C6: variants seen among roughly 807,000 people sequenced by gnomAD.
C6 encodes complement component C6.
C6 carries 101 observed loss-of-function variants against 112.9 expected under a neutral mutation model. The ratio of observed to expected loss-of-function variants is 0.89; its 90% CI spans 0.76 to 1.06. The LOEUF (loss-of-function observed/expected upper bound fraction) is 1.06. C6 is among the 50% of genes least tolerant of loss of function. The pLI is 0.00. For missense variants in C6, 1,202 were observed against 1,104.6 expected, an observed-to-expected ratio of 1.09 and a Z score of -1.25; for synonymous variants, 431 against 384.1, an observed-to-expected ratio of 1.12 and a Z score of -1.43.
intron 4 of C6, among the ~76,000 whole-genome samples, chr5:41,196,205 C>T (rs879749746): frequency 4.0e-5 from 6 of 151,280 alleles, no homozygotes; most frequent in East Asian, 3.9e-4. Flanking sequence ...TACAGTGAGC[C>T]GCTATAGAGA....
At chr5:41,177,323 C>A (rs182121994) in intron 7 of C6, among the ~76,000 whole-genome samples, 23 of 152,284 alleles carry the variant, frequency 1.5e-4, no homozygotes, top group African/African-American at 5.3e-4. Flanking sequence ...CTCTCCTCCA[C>A]CCATATGCAG....
chr5:41,152,645 T>C (rs1168558513), intron 15 of C6: 1 of 152,128 alleles, frequency 6.6e-6, no homozygotes, highest in Non-Finnish European at 1.5e-5. Context: ...TACCACCATT[T>C]TATCTGGTGA....
At chr5:41,242,338 A>G (rs1012455031) in intron 1 of C6, among the ~76,000 whole-genome samples, 7 of 152,076 alleles carry the variant, frequency 4.6e-5, no homozygotes, top group Non-Finnish European at 1.0e-4. Flanking sequence ...TACTCACTCC[A>G]TCCTGCTGTC....
At chr5:41,241,953 T>TA (rs947904016) in intron 1 of C6, among the ~76,000 whole-genome samples, 17 of 151,858 alleles carry the variant, frequency 1.1e-4, no homozygotes, top group Non-Finnish European at 1.8e-4. Flanking sequence ...GAAGGTAAAA[T>TA]AAAAAAACCT....
In C6 at chr5:41,176,506, A is replaced by T. The variant is rs1342696300; in HGVS notation, c.1137T>A (p.Tyr379Ter). The T allele has an allele frequency of 6.2e-7, 1 of 1,613,276 alleles. No individual in the cohort carries two copies. Among genetic ancestry groups the T allele is most frequent in the Admixed American group, 1.7e-5 (1 of 59,990 alleles). Residue 379 changes from tyrosine to a stop codon, truncating the protein, a stop_gained, in exon 8 of 18, where the codon TAT (tyrosine) becomes TAA (stop). Coordinates refer to ENST00000337836, the MANE Select transcript of C6 (RefSeq NM_000065.5). LOFTEE classifies it high-confidence loss of function. ...GSLGGVYDLL[Y>*]QFSSEELKNS... ...TCTTTAGTTCCTCACTGCTAAACTG[A>T]TAGAGAAGGTCATACACGCCTCCCA...
intron 1 of C6, among the ~76,000 whole-genome samples, chr5:41,227,195 C>T (rs1327903804): frequency 6.6e-6 from 1 of 152,048 alleles, no homozygotes; most frequent in Non-Finnish European, 1.5e-5. Flanking sequence ...ATTTGTATTT[C>T]CCTAATGATT....
intron 13 of C6, among the ~76,000 whole-genome samples, chr5:41,155,397 T>G (rs1016395506): frequency 6.6e-6 from 1 of 152,066 alleles, no homozygotes; most frequent in Non-Finnish European, 1.5e-5. Context: ...ACTTGAAAAC[T>G]TGCTCCCCTG....
At chr5:41,165,469 A>T (rs987670235) in intron 9 of C6, among the ~76,000 whole-genome samples, 1 of 152,088 alleles carries the variant, frequency 6.6e-6, no homozygotes, top group African/African-American at 2.4e-5. Flanking sequence ...CATTTGCATG[A>T]GGTGGTATTT....
At chr5:41,225,224 C>T (rs1486597494) in intron 1 of C6, among the ~76,000 whole-genome samples, 1 of 152,076 alleles carries the variant, frequency 6.6e-6, no homozygotes, top group Admixed American at 6.6e-5. Context: ...TCTCCCCCAA[C>T]CCCACAACAG....
Position 41,201,667 on chromosome 5 carries a change from A to G in C6, c.191T>C (p.Ile64Thr), listed in dbSNP as rs1170220518. Reference sequence around the variant, plus strand: ...TTCTCTAGTCTCCTGCTTGCTGCAAATCTGTTCACAAAAGTTTTCCTGGTA... The same window carrying G: ...TTCTCTAGTCTCCTGCTTGCTGCAAGTCTGTTCACAAAAGTTTTCCTGGTA... ...KYYQENFCEQ[I>T]CSKQETRECN... Residue 64 changes from isoleucine (I) to threonine (T), a missense_variant, in exon 3 of 18, where the codon ATT becomes ACT. Ile to Thr is a moderately conservative substitution (Grantham distance 89). Coordinates refer to ENST00000337836, the MANE Select transcript of C6 (RefSeq NM_000065.5). 1 of 1,613,554 alleles carries G rather than the reference A, an allele frequency of 6.2e-7. No homozygotes were observed. The highest frequency in any genetic ancestry group is 1.1e-5 in the South Asian group (1 of 91,062).
chr5:41,240,848 C>T (rs376812274), intron 1 of C6, among the ~76,000 whole-genome samples: 4 of 152,220 alleles, frequency 2.6e-5, no homozygotes, highest in East Asian at 3.9e-4. Flanking sequence ...CTTTAGGTCT[C>T]CCCTCCATAG....
rs114165580 is a variant in C6, at chr5:41,200,180, C to T, written c.301-268G>A. ...TAACTCTGAAACCATATGGTTTATA[C>T]GTTTTCAAAATAAAATATATAAATG... On this transcript the variant is annotated intron_variant, in intron 3 of 17. Coordinates refer to ENST00000337836, the MANE Select transcript of C6 (RefSeq NM_000065.5). 7.8e-3 allele frequency among the ~76,000 whole-genome samples: 1,194 copies of T among 152,178 alleles called. 20 individuals carry two copies. Among genetic ancestry groups the T allele is most frequent in the African/African-American group, 0.027 (1,133 of 41,510 alleles).
intron 5 of C6, among the ~76,000 whole-genome samples, chr5:41,190,534 C>CT (rs1390351238): frequency 6.6e-6 from 1 of 152,122 alleles, no homozygotes; most frequent in African/African-American, 2.4e-5. Flanking sequence ...CTGGCACATA[C>CT]TTTTTTCCAC....
At chr5:41,253,058 C>T (rs1292164981) in intron 1 of C6, among the ~76,000 whole-genome samples, 1 of 152,140 alleles carries the variant, frequency 6.6e-6, no homozygotes, top group African/African-American at 2.4e-5. Context: ...TAAACTTCTT[C>T]AAATATTTTT....
At chr5:41,198,649 T>C (rs1750787234) in intron 4 of C6, among the ~76,000 whole-genome samples, 1 of 152,204 alleles carries the variant, frequency 6.6e-6, no homozygotes, top group South Asian at 2.1e-4. Flanking sequence ...CTAACCTTTC[T>C]AAAATTGTTC....
At chr5:41,260,075 T>A (rs1182891342) in intron 1 of C6, among the ~76,000 whole-genome samples, 1 of 152,218 alleles carries the variant, frequency 6.6e-6, no homozygotes, top group East Asian at 1.9e-4. Context: ...GGATAATGAT[T>A]TCTAGGTTAT....
At chr5:41,187,708 AC>A (rs61658060) in intron 5 of C6, among the ~76,000 whole-genome samples, 63,258 of 151,486 alleles carry the variant, frequency 0.42, 13,436 homozygotes, top group African/African-American at 0.45. Context: ...ATACACACAC[AC>A]ACACACACAC....
intron 17 of C6, among the ~76,000 whole-genome samples, chr5:41,144,805 A>T (rs1416921904): frequency 1.3e-5 from 2 of 152,142 alleles, no homozygotes; most frequent in Non-Finnish European, 1.5e-5. Context: ...CTCATTGTTT[A>T]GCTCCTGCTT....
intron 4 of C6, among the ~76,000 whole-genome samples, chr5:41,197,018 A>G (rs563036299): frequency 4.6e-5 from 7 of 152,234 alleles, no homozygotes; most frequent in African/African-American, 1.7e-4. Context: ...TTTACTTGAG[A>G]TTATCTGGTT....
Sources: allele counts gnomAD v4.1 joint callset (sites outside exome capture counted in the v4.1 genomes callset), GRCh38; gene constraint gnomAD v4.1.1; transcripts MANE v1.5; gene names NCBI Gene and HGNC (gene_info 2026-07-23, HGNC 2026-07-21).